Variants in NCOA2 observed in about 807,000 individuals in gnomAD.
NCOA2 encodes the protein class E basic helix-loop-helix protein 75.
NCOA2 carries 21 observed loss-of-function variants against 145.1 expected under a neutral mutation model. That is an observed-to-expected ratio of 0.14 (90% CI 0.10 to 0.21). NCOA2 has a LOEUF of 0.21. Among genes scored for constraint, NCOA2 ranks in the 10% least tolerant of loss-of-function variants. The pLI, the probability that NCOA2 is intolerant of heterozygous loss-of-function variation, is 1.00. For missense variants in NCOA2, 1,472 were observed against 1,837.6 expected (o/e 0.80, Z 3.64); for synonymous variants, 619 against 637.5 (o/e 0.97, Z 0.44).
At chr8:70,121,467 G>A (rs1585718595) in intron 21 of NCOA2, 76 bp from the exon 22 acceptor site, 9 of 1,141,688 alleles carry the variant, frequency 7.9e-6, no homozygotes, top group Admixed American at 6.0e-5. Flanking sequence ...AGTGGCCGCC[G>A]CCCTTCCTCT....
intron 1 of NCOA2, among the ~76,000 whole-genome samples, chr8:70,399,936 T>A (rs1334810927): frequency 6.6e-6 from 1 of 152,224 alleles, no homozygotes; most frequent in African/African-American, 2.4e-5. Flanking sequence ...CGGTACTGAA[T>A]CCTTAAATAC....
chr8:70,141,736 G>A (rs1369187698), intron 13 of NCOA2, among the ~76,000 whole-genome samples: 1 of 152,184 alleles, frequency 6.6e-6, no homozygotes, highest in Non-Finnish European at 1.5e-5. Context: ...ACACGTCAAT[G>A]CTTTACTTTC....
chr8:70,358,174 T>C (rs866716596), intron 1 of NCOA2, among the ~76,000 whole-genome samples: 8 of 152,196 alleles, frequency 5.3e-5, no homozygotes, highest in African/African-American at 1.9e-4. Context: ...ACTGTTAAAA[T>C]GGTAATAATA....
In NCOA2 at chr8:70,165,123, T is replaced by A. The variant is rs143737387; in HGVS notation, c.730+1443A>T. Among the ~76,000 whole-genome samples the A allele has an allele frequency of 2.5e-3, 378 of 152,374 alleles. No homozygotes were observed. The Middle Eastern group carries it at 0.027, about 11-fold the overall frequency. On this transcript the variant is annotated intron_variant, in intron 7 of 22. Transcript: ENST00000452400. ...AATTAGCTCAGCTATTCCTTTTTTATACTGCCTTGGAATATTATCAGATGG... is the reference window on the plus strand; with the variant it reads ...AATTAGCTCAGCTATTCCTTTTTTAAACTGCCTTGGAATATTATCAGATGG...
intron 1 of NCOA2, among the ~76,000 whole-genome samples, chr8:70,396,173 T>TA (rs1405367019): frequency 6.6e-6 from 1 of 152,226 alleles, no homozygotes; most frequent in Admixed American, 6.5e-5. Flanking sequence ...GCACAACAGT[T>TA]AAACAATACT....
intron 4 of NCOA2, among the ~76,000 whole-genome samples, chr8:70,196,290 C>T (rs998235905): frequency 2.0e-5 from 3 of 152,146 alleles, no homozygotes; most frequent in Admixed American, 6.5e-5. Flanking sequence ...GCACGAGAAT[C>T]ACTTGAACCT....
At chr8:70,443,293 C>T in the NCOA2 span, among the ~76,000 whole-genome samples, 3,602 of 152,086 alleles carry the variant, frequency 0.024, 142 homozygotes, top group African/African-American at 0.08. Flanking sequence ...CACTTGAGCC[C>T]AGGAGGTTGA....
chr8:70,337,188 G>A (rs1807676908), intron 1 of NCOA2, among the ~76,000 whole-genome samples: 1 of 147,066 alleles, frequency 6.8e-6, no homozygotes, highest in African/African-American at 2.7e-5. Flanking sequence ...AGCCTACCCA[G>A]CACTGCTGAG....
chr8:70,361,053 TA>T (rs1290974927), intron 1 of NCOA2, among the ~76,000 whole-genome samples: 3 of 152,042 alleles, frequency 2.0e-5, no homozygotes, highest in Non-Finnish European at 4.4e-5. Context: ...CAAATTAAAT[TA>T]AAAAATTAAG....
At chr8:70,241,976 C>T (rs578158405) in intron 2 of NCOA2, among the ~76,000 whole-genome samples, 4 of 152,010 alleles carry the variant, frequency 2.6e-5, no homozygotes, top group Non-Finnish European at 5.9e-5. Context: ...GACATTTTCA[C>T]ATTAAAACAT....
chr8:70,159,222 T>TA (rs1812619153), intron 10 of NCOA2, among the ~76,000 whole-genome samples: 65 of 44,480 alleles, frequency 1.5e-3, no homozygotes, highest in African/African-American at 3.7e-3. Context: ...CAGTATAACA[T>TA]TATATATATA....
chr8:70,427,807 G>A, the NCOA2 span, among the ~76,000 whole-genome samples: 6 of 152,262 alleles, frequency 3.9e-5, no homozygotes, highest in Admixed American at 1.3e-4. Flanking sequence ...GTGACACTCC[G>A]TCAACATGAT....
chr8:70,257,715 C>A (rs549173474), intron 2 of NCOA2, among the ~76,000 whole-genome samples: 1 of 152,100 alleles, frequency 6.6e-6, no homozygotes, highest in African/African-American at 2.4e-5. Flanking sequence ...TAGTTTCCTG[C>A]CATTCTCTGA....
At chr8:70,449,450 T>C in the NCOA2 span, among the ~76,000 whole-genome samples, 1 of 152,158 alleles carries the variant, frequency 6.6e-6, no homozygotes, top group Non-Finnish European at 1.5e-5. Flanking sequence ...AAAGCAGGAT[T>C]ATGCAGGAAC....
chr8:70,341,790 C>T (rs1808166110), intron 1 of NCOA2, among the ~76,000 whole-genome samples: 1 of 151,980 alleles, frequency 6.6e-6, no homozygotes, highest in Non-Finnish European at 1.5e-5. Context: ...TTGGAAGATA[C>T]AAAAGGAACA....
chr8:70,132,962 GTTA>G (rs1304333207), intron 15 of NCOA2, among the ~76,000 whole-genome samples: 3 of 152,268 alleles, frequency 2.0e-5, no homozygotes, highest in Middle Eastern at 3.4e-3. Flanking sequence ...AATTATATTT[GTTA>G]TTATATAAGA....
chr8:70,183,589 C>G (rs1054678895), intron 4 of NCOA2, among the ~76,000 whole-genome samples: 1 of 152,170 alleles, frequency 6.6e-6, no homozygotes, highest in South Asian at 2.1e-4. Context: ...TGTCTCCCCC[C>G]AAATGCATCA....
intron 1 of NCOA2, among the ~76,000 whole-genome samples, chr8:70,347,332 A>G (rs1464713179): frequency 3.3e-5 from 5 of 152,044 alleles, no homozygotes; most frequent in Admixed American, 3.3e-4. Context: ...TAAAAATACA[A>G]AAATTAGCCA....
rs774568842 is a variant in NCOA2, at chr8:70,112,533, T to A, written c.*1099A>T. 4.4e-5 allele frequency: 9 copies of A among 204,798 alleles called. No homozygotes were observed. The highest frequency in any genetic ancestry group is 6.0e-5 in the Non-Finnish European group (6 of 100,178). 12.7% of individuals were successfully genotyped at this position (204,798 alleles called of 1,614,324 possible). On this transcript the variant is annotated 3_prime_UTR_variant, in exon 23 of 23. Coordinates refer to ENST00000452400, the MANE Select transcript of NCOA2 (RefSeq NM_006540.4). ...TTAAACACACTGGCGTTTTCTCCCA[T>A]TTTGGAGGCCAGAGTTGCTGGGGAA...
Sources: allele counts gnomAD v4.1 joint callset (sites outside exome capture counted in the v4.1 genomes callset), GRCh38; gene constraint gnomAD v4.1.1; transcripts MANE v1.5; gene names NCBI Gene and HGNC (gene_info 2026-07-23, HGNC 2026-07-21).